The following BBS4 variants were observed in gnomAD, a reference collection of about 807,000 sequenced individuals.
BBS4 encodes the protein Bardet-Biedl syndrome 4, also known as BBSome complex member BBS4.
A neutral mutation model predicts 71.4 loss-of-function variants in BBS4; 58 were observed. That is an observed-to-expected ratio of 0.81 (90% CI 0.66 to 1.01). The LOEUF (loss-of-function observed/expected upper bound fraction) is 1.01. Ranked by LOEUF, BBS4 falls within the 50% of genes least tolerant of loss-of-function variation. The pLI is 0.00. For missense variants in BBS4, 660 were observed against 607.9 expected (o/e 1.09, Z -0.90); for synonymous variants, 228 against 216.8 (o/e 1.05, Z -0.46).
At chr15:72,686,362 G>C in intron 1 of BBS4, 111 bp downstream of exon 1, 1 of 1,540,886 alleles carries the variant, frequency 6.5e-7, no homozygotes, top group Non-Finnish European at 8.7e-7. Context: ...GGTGCCGAGC[G>C]TCTCAGGGTG....
At chr15:72,695,585 C>T (rs985026661) in intron 2 of BBS4, among the ~76,000 whole-genome samples, 5 of 152,192 alleles carry the variant, frequency 3.3e-5, no homozygotes, top group Admixed American at 6.5e-5. Flanking sequence ...CCACGCCTGG[C>T]CAGATTTCTC....
At chr15:72,698,914 T>A (rs539236701) in intron 2 of BBS4, among the ~76,000 whole-genome samples, 1 of 152,234 alleles carries the variant, frequency 6.6e-6, no homozygotes, top group African/African-American at 2.4e-5. Context: ...CAAGGTAATT[T>A]AGTTGTTACC....
At chr15:72,690,098 G>C (rs1245854071) in intron 1 of BBS4, among the ~76,000 whole-genome samples, 6 of 152,110 alleles carry the variant, frequency 3.9e-5, no homozygotes, top group African/African-American at 1.4e-4. Context: ...GCGAGCCACT[G>C]TACCCAGCCT....
intron 2 of BBS4, among the ~76,000 whole-genome samples, chr15:72,706,167 C>T (rs774074986): frequency 4.6e-5 from 7 of 151,970 alleles, no homozygotes; most frequent in African/African-American, 1.7e-4. Context: ...GATGGAGTCT[C>T]GCTCTGTCGC....
rs1165955030 is a variant in BBS4, at chr15:72,695,321, A to G, written c.76+93A>G. ...TTTTTTTTTTTGGAGGCAGAGTCTC[A>G]CTGTCACCCAGGCTGGAGTGCAGTA... On this transcript the variant is annotated intron_variant, in intron 2 of 15. Transcript: ENST00000268057. The G allele has an allele frequency of 1.6e-5, 14 of 870,002 alleles. No individual in the cohort carries two copies. In the South Asian group the frequency reaches 2.3e-4, roughly 14 times the overall value. The allele number at this position is 870,002 out of a possible 1,614,324, so 53.9% of individuals were successfully genotyped here. A position where few individuals can be genotyped will look rare whatever the true frequency, so the allele number is the denominator to read the frequency against.
chr15:72,730,335 G>T (rs2065790127), intron 10 of BBS4, among the ~76,000 whole-genome samples: 1 of 151,454 alleles, frequency 6.6e-6, no homozygotes, highest in South Asian at 2.1e-4. Flanking sequence ...GGTGGCTTAT[G>T]CCTGTAATCC....
chr15:72,736,051 G>T lies in BBS4; in HGVS notation c.1248+85G>T, dbSNP rs2065917243. The stretch of plus-strand genomic sequence containing the variant: ...CAAGCCCAGATCATCCAAATCCAAG[G>T]TATTACACGTTCATGGCTGTTCTGG... On this transcript the variant is annotated intron_variant, in intron 14 of 15. Coordinates refer to ENST00000268057, the MANE Select transcript of BBS4 (RefSeq NM_033028.5). 4 of 1,486,764 alleles carry T rather than the reference G, an allele frequency of 2.7e-6. No homozygotes were observed. The South Asian group carries it at 3.4e-5, about 13-fold the overall frequency. 92.1% of individuals were successfully genotyped at this position (1,486,764 alleles called of 1,614,324 possible). A position where few individuals can be genotyped will look rare whatever the true frequency, so the allele number is the denominator to read the frequency against.
chr15:72,712,106 A>G (rs1018240948), intron 3 of BBS4, 138 bp from the exon 4 acceptor site: 2 of 713,780 alleles, frequency 2.8e-6, no homozygotes, highest in African/African-American at 3.5e-5. Flanking sequence ...TGACCTCATA[A>G]TCTGCCTGCC....
chr15:72,708,716 C>G (rs1302120315), intron 2 of BBS4, among the ~76,000 whole-genome samples: 1 of 152,108 alleles, frequency 6.6e-6, no homozygotes, highest in Non-Finnish European at 1.5e-5. Context: ...CTTTTCCTAG[C>G]AAGGAATTTT....
chr15:72,724,788 T>C, intron 8 of BBS4, 133 bp downstream of exon 8: 1 of 1,200,066 alleles, frequency 8.3e-7, no homozygotes, highest in Non-Finnish European at 1.2e-6. Flanking sequence ...AGCTGAAGTT[T>C]AAGAGCTCCC....
chr15:72,736,398 C>A (rs566928247), intron 14 of BBS4, among the ~76,000 whole-genome samples: 1 of 152,040 alleles, frequency 6.6e-6, no homozygotes, highest in Non-Finnish European at 1.5e-5. Context: ...CGTGCCACCA[C>A]GCCCAGCTAA....
At chr15:72,706,445 A>G (rs1400392417) in intron 2 of BBS4, among the ~76,000 whole-genome samples, 1 of 152,102 alleles carries the variant, frequency 6.6e-6, no homozygotes, top group African/African-American at 2.4e-5. Flanking sequence ...CCCTGGAACT[A>G]TTTATGACGG....
At chr15:72,723,041 A>G (rs922900682) in intron 7 of BBS4, among the ~76,000 whole-genome samples, 194 bp downstream of exon 7, 2 of 152,138 alleles carry the variant, frequency 1.3e-5, no homozygotes, top group African/African-American at 2.4e-5. Flanking sequence ...TTGTAATAAG[A>G]ACATGGAAAG....
At chr15:72,722,207 G>A (rs1367192760) in intron 6 of BBS4, among the ~76,000 whole-genome samples, 1 of 152,220 alleles carries the variant, frequency 6.6e-6, no homozygotes, top group Admixed American at 6.5e-5. Context: ...GTTTTCCCAT[G>A]TCAGCTCTAG....
At chr15:72,711,559 A>T (rs1370789020) in intron 3 of BBS4, among the ~76,000 whole-genome samples, 1 of 152,214 alleles carries the variant, frequency 6.6e-6, no homozygotes, top group Non-Finnish European at 1.5e-5. Context: ...GGGGTTGGCA[A>T]ACTTTTTCTG....
chr15:72,736,069 T>C, intron 14 of BBS4, 103 bp downstream of exon 14: 1 of 1,367,270 alleles, frequency 7.3e-7, no homozygotes, highest in South Asian at 1.2e-5. Flanking sequence ...CGTTCATGGC[T>C]GTTCTGGCTT....
chr15:72,737,864 C>A lies in BBS4; in HGVS notation c.*277C>A, dbSNP rs1477443271. ...AAGGCTTGAGGCCTTATGTATGTAG[C>A]TGAGTCAGCAAGGTACATGATGCTG... On this transcript the variant is annotated 3_prime_UTR_variant, in exon 16 of 16. Coordinates refer to ENST00000268057, the MANE Select transcript of BBS4 (RefSeq NM_033028.5). 1 of 484,370 alleles carries A rather than the reference C, an allele frequency of 2.1e-6. No homozygotes were observed. The highest frequency in any genetic ancestry group is 5.8e-5 in the East Asian group (1 of 17,238). 30.0% of individuals were successfully genotyped at this position (484,370 alleles called of 1,614,324 possible). A position where few individuals can be genotyped will look rare whatever the true frequency, so the allele number is the denominator to read the frequency against.
At chr15:72,731,252 T>G in intron 10 of BBS4, 53 bp from the exon 11 acceptor site, 1 of 1,612,328 alleles carries the variant, frequency 6.2e-7, no homozygotes, top group Non-Finnish European at 8.5e-7. Context: ...GCTGCCCCAC[T>G]GCTACAGCCT....
chr15:72,724,526 A>T lies in BBS4; in HGVS notation c.460-2A>T. Reference sequence around the variant, plus strand: ...TTTTCTTTATTTTGTTAAACTTGTCAGGCACAAGACCAGTTGCACAATGCC... The same window carrying T: ...TTTTCTTTATTTTGTTAAACTTGTCTGGCACAAGACCAGTTGCACAATGCC... On this transcript the variant is annotated splice_acceptor_variant, in intron 7 of 15. Transcript: ENST00000268057. LOFTEE classifies it high-confidence loss of function. 4 of 1,613,894 alleles carry T rather than the reference A, an allele frequency of 2.5e-6. No individual in the cohort carries two copies. Among genetic ancestry groups the T allele is most frequent in the Non-Finnish European group, 3.4e-6 (4 of 1,179,830 alleles).
Sources: gnomAD v4.1 joint callset for allele counts (sites outside exome capture counted in the v4.1 genomes callset) on GRCh38, gnomAD v4.1.1 for gene constraint, MANE v1.5 for transcripts, NCBI Gene and HGNC (gene_info 2026-07-23, HGNC 2026-07-21) for gene names.